The following TFAP2D variants were observed in gnomAD, a reference collection of about 807,000 sequenced individuals.
TFAP2D encodes the protein transcription factor AP-2 delta, also known as transcription factor AP-2-delta.
In TFAP2D, 9 loss-of-function variants were observed where a neutral mutation model predicts 43.6. That is an observed-to-expected ratio of 0.21 (90% confidence interval 0.12 to 0.36). The LOEUF is 0.36. Among genes scored for constraint, TFAP2D ranks in the 10% least tolerant of loss-of-function variants. The pLI, the probability that TFAP2D is intolerant of heterozygous loss-of-function variation, is 1.00. For missense variants in TFAP2D, 513 were observed against 561.4 expected (o/e 0.91, Z 0.87); for synonymous variants, 256 against 224.9 (o/e 1.14, Z -1.24).
intron 5 of TFAP2D, among the ~76,000 whole-genome samples, chr6:50,736,716 T>A (rs1561935338): frequency 1.3e-5 from 2 of 152,112 alleles, no homozygotes; most frequent in Non-Finnish European, 2.9e-5. Context: ...GTCACTGTGT[T>A]TGACTATGTG....
intron 3 of TFAP2D, among the ~76,000 whole-genome samples, chr6:50,727,540 T>G (rs1768826236): frequency 6.6e-6 from 1 of 152,216 alleles, no homozygotes; most frequent in African/African-American, 2.4e-5. Flanking sequence ...ATGCAGATTC[T>G]GACTCAAAAA....
intron 2 of TFAP2D, chr6:50,718,113 T>C (rs1386004084): frequency 6.7e-6 from 1 of 148,554 alleles, no homozygotes; most frequent in East Asian, 1.9e-4. Flanking sequence ...TTATGCTCAG[T>C]CTCCAAGTTT....
chr6:50,729,772 A>T (rs1484949197), intron 5 of TFAP2D, among the ~76,000 whole-genome samples: 1 of 152,142 alleles, frequency 6.6e-6, no homozygotes, highest in Non-Finnish European at 1.5e-5. Context: ...TAATCCTAGT[A>T]GACCTCTCTA....
intron 3 of TFAP2D, among the ~76,000 whole-genome samples, chr6:50,719,772 T>TA (rs1768689551): frequency 6.6e-6 from 1 of 152,170 alleles, no homozygotes; most frequent in South Asian, 2.1e-4. Context: ...GTGTTAACTG[T>TA]ACTGGATAAA....
intron 6 of TFAP2D, among the ~76,000 whole-genome samples, chr6:50,747,510 A>G (rs1409867116): frequency 2.0e-5 from 3 of 152,082 alleles, no homozygotes; most frequent in African/African-American, 7.2e-5. Context: ...TATCATGCAT[A>G]TTCAAAGACC....
At chr6:50,757,577 T>TATATAATTATTCTATATATATAGAATAC (rs1769295610) in intron 7 of TFAP2D, among the ~76,000 whole-genome samples, 1 of 59,296 alleles carries the variant, frequency 1.7e-5, no homozygotes, top group Non-Finnish European at 2.8e-5. Context: ...ATATAGAATA[T>TATATAATTATTCTATATATATAGAATAC]ATATAATTAT....
rs1405344571 is a variant in TFAP2D at position 50,715,177 on chromosome 6, C to T, written c.101C>T (p.Ala34Val). 2.5e-6 allele frequency: 4 copies of T among 1,613,984 alleles called. No individual in the cohort carries two copies. Among genetic ancestry groups the T allele is most frequent in the Non-Finnish European group, 3.4e-6 (4 of 1,180,026 alleles). Reference protein sequence around the residue: ...LMQLGCLESVANSTVAYSSSS... With the variant: ...LMQLGCLESVVNSTVAYSSSS... ...CAGCTTGGCTGTCTGGAGTCAGTAG[C>T]CAATTCCACTGTCGCCTATTCCTCC... Residue 34 changes from alanine (A) to valine (V), a missense_variant, in exon 2 of 8, where the codon GCC becomes GTC. Ala to Val is a moderately conservative substitution (Grantham distance 64). Around this residue, in one of 3 missense-constraint regions of TFAP2D, gnomAD observed 311 missense variants for 316.2 expected, o/e 0.98. Transcript: ENST00000008391.
At chr6:50,757,491 AATATAT>A (rs1247943966) in intron 7 of TFAP2D, among the ~76,000 whole-genome samples, 4 of 96,280 alleles carry the variant, frequency 4.2e-5, no homozygotes, top group African/African-American at 1.7e-4. Context: ...ATATATATAT[AATATAT>A]ATAATTATTC....
intron 7 of TFAP2D, among the ~76,000 whole-genome samples, chr6:50,762,862 C>G (rs1769382525): frequency 6.6e-6 from 1 of 151,762 alleles, no homozygotes; most frequent in African/African-American, 2.4e-5. Context: ...CAGAGAGAGA[C>G]AGAGAGAGAG....
At chr6:50,740,581 C>T (rs776402484) in intron 5 of TFAP2D, among the ~76,000 whole-genome samples, 9 of 151,000 alleles carry the variant, frequency 6.0e-5, no homozygotes, top group South Asian at 2.1e-4. Context: ...TGCAGGTGCC[C>T]GCCACCACAC....
intron 5 of TFAP2D, 131 bp from the exon 6 acceptor site, chr6:50,744,976 C>T: frequency 8.6e-7 from 1 of 1,164,602 alleles, no homozygotes; most frequent in South Asian, 1.8e-5. Context: ...GGTCTTTTTT[C>T]TTGAATAGTT....
Position 50,715,136 on chromosome 6 carries a change from C to A in TFAP2D, c.60C>A (p.Asn20Lys), listed in dbSNP as rs749060519. The A allele has an allele frequency of 1.2e-6, 2 of 1,613,986 alleles. No homozygotes were observed. Among genetic ancestry groups the A allele is most frequent in the Non-Finnish European group, 1.7e-6 (2 of 1,180,018 alleles). The change falls in exon 2 of 8, where the codon AAC becomes AAA. Residue 20 changes from asparagine (N) to lysine (K), a missense_variant. Coordinates refer to ENST00000008391, the MANE Select transcript of TFAP2D (RefSeq NM_172238.4). Reference sequence around the variant, plus strand: ...TCCAGATACGTCACGACGGATCAAACAGCTACCGTTTGATGCAGCTTGGCT... The same window carrying A: ...TCCAGATACGTCACGACGGATCAAAAAGCTACCGTTTGATGCAGCTTGGCT... ...HDAEIRHDGSNSYRLMQLGCL... is the reference protein window; with the variant it reads ...HDAEIRHDGSKSYRLMQLGCL...
intron 7 of TFAP2D, 104 bp from the exon 8 acceptor site, chr6:50,772,541 A>G: frequency 4.1e-6 from 4 of 972,110 alleles, no homozygotes; most frequent in Non-Finnish European, 6.2e-6. Context: ...GAACACAATG[A>G]ATACCTGTTT....
chr6:50,715,091 T>G (rs779366379), intron 1 of TFAP2D, 25 bp from the exon 2 acceptor site: 2 of 1,599,074 alleles, frequency 1.3e-6, no homozygotes, highest in East Asian at 4.5e-5. Context: ...TTTTCTGCTC[T>G]CCCTTTTCCC....
intron 5 of TFAP2D, among the ~76,000 whole-genome samples, chr6:50,729,667 G>A (rs1369225617): frequency 5.3e-5 from 8 of 152,056 alleles, no homozygotes; most frequent in Non-Finnish European, 1.2e-4. Context: ...TTAACCCATT[G>A]TAATTCAGTA....
At chr6:50,753,785 T>C (rs1769229484) in intron 7 of TFAP2D, among the ~76,000 whole-genome samples, 1 of 151,944 alleles carries the variant, frequency 6.6e-6, no homozygotes, top group Non-Finnish European at 1.5e-5. Context: ...TTTTGAATAT[T>C]AGAAAGTTAT....
chr6:50,717,242 C>A (rs752916639), intron 2 of TFAP2D, among the ~76,000 whole-genome samples: 4 of 152,140 alleles, frequency 2.6e-5, no homozygotes, highest in Non-Finnish European at 2.9e-5. Context: ...AGACAAAGAG[C>A]GAATCCCGTG....
intron 3 of TFAP2D, among the ~76,000 whole-genome samples, chr6:50,723,350 G>A (rs1456938131): frequency 6.6e-6 from 1 of 152,200 alleles, no homozygotes; most frequent in Non-Finnish European, 1.5e-5. Context: ...TTTCAGGAAG[G>A]CCCAGAGCCT....
chr6:50,736,533 G>C (rs996198053), intron 5 of TFAP2D, among the ~76,000 whole-genome samples: 2 of 152,026 alleles, frequency 1.3e-5, no homozygotes, highest in Non-Finnish European at 2.9e-5. Context: ...ACCTAAAATA[G>C]TATCACACAA....
Sources: gnomAD v4.1 joint callset for allele counts (sites outside exome capture counted in the v4.1 genomes callset) on GRCh38, gnomAD v4.1.1 for gene constraint, gnomAD v4.1.1 regional missense constraint, MANE v1.5 for transcripts, NCBI Gene and HGNC (gene_info 2026-07-23, HGNC 2026-07-21) for gene names.